Variants in PCDHA5 observed in about 807,000 individuals in gnomAD.
PCDHA5 encodes protocadherin alpha-5.
Under a neutral mutation model 61.6 loss-of-function variants are expected in PCDHA5, and 43 were observed. The observed-to-expected ratio is 0.70, with a 90% confidence interval of 0.55 to 0.90. The LOEUF (loss-of-function observed/expected upper bound fraction) is 0.90. PCDHA5 is among the 40% of genes least tolerant of loss of function. The pLI, the probability that PCDHA5 is intolerant of heterozygous loss-of-function variation, is 0.00. For missense variants in PCDHA5, 1,298 were observed against 1,222.7 expected, an observed-to-expected ratio of 1.06 and a Z score of -0.92; for synonymous variants, 627 against 543.9, an observed-to-expected ratio of 1.15 and a Z score of -2.13.
intron 1 of PCDHA5, among the ~76,000 whole-genome samples, chr5:140,885,181 T>A (rs561922365): frequency 6.6e-6 from 1 of 152,330 alleles, no homozygotes; most frequent in African/African-American, 2.4e-5. Flanking sequence ...TCTAGGCACA[T>A]CAGTGTTCCC....
intron 1 of PCDHA5, among the ~76,000 whole-genome samples, chr5:140,916,967 G>A (rs1215722713): frequency 2.6e-5 from 4 of 152,194 alleles, no homozygotes; most frequent in African/African-American, 9.7e-5. Context: ...TGACTGCTGG[G>A]ATGAGTGATT....
chr5:140,882,628 G>A (rs1554174947), intron 1 of PCDHA5: 9 of 1,614,252 alleles, frequency 5.6e-6, no homozygotes, highest in Non-Finnish European at 7.6e-6. Flanking sequence ...TCCATGTGGA[G>A]GTGAAGGTGA....
At chr5:140,995,557 A>G (rs1032736761) in intron 3 of PCDHA5, among the ~76,000 whole-genome samples, 2 of 152,252 alleles carry the variant, frequency 1.3e-5, no homozygotes, top group African/African-American at 2.4e-5. Flanking sequence ...ACTGTACTGA[A>G]TAATATGTCA....
intron 1 of PCDHA5, among the ~76,000 whole-genome samples, chr5:140,961,680 C>T (rs989401730): frequency 3.3e-5 from 5 of 152,040 alleles, no homozygotes; most frequent in African/African-American, 4.8e-5. Flanking sequence ...TTAATTAAGC[C>T]GGAGTAGTCC....
chr5:140,828,150 T>C, intron 1 of PCDHA5: 1 of 1,614,088 alleles, frequency 6.2e-7, no homozygotes, highest in Non-Finnish European at 8.5e-7. Flanking sequence ...CCGCTTCTGC[T>C]CCTCGCAGCC....
rs79233681 is a variant in PCDHA5 at position 140,965,822 on chromosome 5, A to T, written c.2353-13127A>T. Among the ~76,000 whole-genome samples the T allele has an allele frequency of 5.2e-3, 789 of 152,324 alleles. 9 individuals are homozygous for T. The highest frequency in any genetic ancestry group is 0.018 in the African/African-American group (747 of 41,576). On this transcript the variant is annotated intron_variant, in intron 1 of 3. Coordinates refer to ENST00000529859, the MANE Select transcript of PCDHA5 (RefSeq NM_018908.3). The stretch of plus-strand genomic sequence containing the variant: ...TTTTTTTAAACAGAGCATTTTAAAC[A>T]TTTAAATATTGGTTATTTGCCAAGG...
chr5:140,887,101 CTTT>C (rs200717289), intron 1 of PCDHA5, among the ~76,000 whole-genome samples: 1 of 145,292 alleles, frequency 6.9e-6, no homozygotes, highest in African/African-American at 2.5e-5. Flanking sequence ...ATCTTTATCT[CTTT>C]TTTTTTTTTT....
At chr5:141,000,595 T>G (rs1438785385) in intron 3 of PCDHA5, among the ~76,000 whole-genome samples, 1 of 150,924 alleles carries the variant, frequency 6.6e-6, no homozygotes, top group African/African-American at 2.4e-5. Context: ...GCCCAGCTAA[T>G]TTTTGTATTT....
At chr5:140,870,830 T>C in intron 1 of PCDHA5, 1 of 1,613,762 alleles carries the variant, frequency 6.2e-7, no homozygotes. Context: ...GGAGGCGCAG[T>C]TAACAAGCTA....
At chr5:140,841,748 T>C in intron 1 of PCDHA5, 6 of 1,613,846 alleles carry the variant, frequency 3.7e-6, no homozygotes, top group Non-Finnish European at 5.1e-6. Flanking sequence ...GCTGTTTGTT[T>C]CAGAATCCAG....
intron 1 of PCDHA5, chr5:140,849,278 G>A (rs1427040308): frequency 8.5e-7 from 1 of 1,179,884 alleles, no homozygotes; most frequent in Non-Finnish European, 1.2e-6. Context: ...GAACGCTGGT[G>A]ATTCACCCCA....
rs1475078197 is a variant in PCDHA5, at chr5:140,845,480, C to A, written c.2352+21353C>A. On this transcript the variant is annotated intron_variant, in intron 1 of 3. Coordinates refer to ENST00000529859, the MANE Select transcript of PCDHA5 (RefSeq NM_018908.3). ...TCTGATATTTGAATTTGGGGTTGTG[C>A]TTTCACAGTGAGAAAGTCTAAACCT... is the stretch of plus-strand genomic sequence containing the variant. 1.3e-5 allele frequency among the ~76,000 whole-genome samples: 2 copies of A among 149,578 alleles called. 1 individual carries two copies. Among genetic ancestry groups the A allele is most frequent in the South Asian group, 4.2e-4 (2 of 4,742 alleles).
At chr5:140,836,375 C>A (rs373878309) in intron 1 of PCDHA5, 4 of 1,613,712 alleles carry the variant, frequency 2.5e-6, no homozygotes, top group South Asian at 1.1e-5. Context: ...CCACAGCCAC[C>A]GTGCTGGTGT....
chr5:140,952,101 A>G (rs1451958490), intron 1 of PCDHA5, among the ~76,000 whole-genome samples: 1 of 151,950 alleles, frequency 6.6e-6, no homozygotes, highest in African/African-American at 2.4e-5. Flanking sequence ...TCCAGGGCAC[A>G]CTCGTGTGAG....
intron 3 of PCDHA5, among the ~76,000 whole-genome samples, chr5:140,989,700 C>T (rs1367211310): frequency 6.6e-6 from 1 of 152,178 alleles, no homozygotes; most frequent in East Asian, 1.9e-4. Flanking sequence ...AAAATTTTAT[C>T]TTCAGAGGCA....
chr5:140,987,999 C>T (rs543796200), intron 3 of PCDHA5, among the ~76,000 whole-genome samples: 3 of 152,292 alleles, frequency 2.0e-5, no homozygotes, highest in African/African-American at 7.2e-5. Context: ...TCTGATCCTT[C>T]CCCAGAAAGA....
chr5:140,854,223 C>T, intron 1 of PCDHA5: 3 of 631,588 alleles, frequency 4.7e-6, no homozygotes, highest in Non-Finnish European at 5.9e-6. Context: ...TGGACATCTA[C>T]ATTGGGATAT....
At position 140,858,437 on chromosome 5, in the gene PCDHA5, G is replaced by T. The variant is rs1343643925; in HGVS notation, c.2352+34310G>T. The T allele has an allele frequency of 4.5e-6, 7 of 1,541,950 alleles. 1 individual carries two copies. In the Admixed American group the frequency reaches 1.4e-4, roughly 30 times the overall value. Reference sequence around the variant, plus strand: ...TATTGGAGGGGACCACTCTAGGAAGGTGGGTTATTACGTTTTCATTTTCCT... The same window carrying T: ...TATTGGAGGGGACCACTCTAGGAAGTTGGGTTATTACGTTTTCATTTTCCT... On this transcript the variant is annotated intron_variant, in intron 1 of 3. Coordinates refer to ENST00000529859, the MANE Select transcript of PCDHA5 (RefSeq NM_018908.3).
chr5:140,969,007 A>T, intron 1 of PCDHA5: 2 of 1,614,148 alleles, frequency 1.2e-6, no homozygotes, highest in Non-Finnish European at 1.7e-6. Context: ...GCTTCTGTGG[A>T]GTAAGGGAAA....
Sources: gnomAD v4.1 joint callset for allele counts (sites outside exome capture counted in the v4.1 genomes callset) on GRCh38, gnomAD v4.1.1 for gene constraint, MANE v1.5 for transcripts, NCBI Gene and HGNC (gene_info 2026-07-23, HGNC 2026-07-21) for gene names.